Variants in WWP1 observed in about 807,000 individuals in gnomAD.
The protein encoded by WWP1 is WW domain containing E3 ubiquitin protein ligase 1.
WWP1 carries 49 observed loss-of-function variants against 130.6 expected under a neutral mutation model. The observed-to-expected ratio is 0.38, with a 90% confidence interval of 0.30 to 0.48. WWP1 has a LOEUF of 0.48. Ranked by LOEUF, WWP1 falls within the 20% of genes least tolerant of loss-of-function variation. WWP1 has a pLI of 0.99. For missense variants in WWP1, 809 were observed against 1,100.6 expected, an observed-to-expected ratio of 0.74 and a Z score of 3.75; for synonymous variants, 332 against 367.8, an observed-to-expected ratio of 0.90 and a Z score of 1.11.
intron 9 of WWP1, among the ~76,000 whole-genome samples, chr8:86,424,164 A>C (rs1809438135): frequency 6.7e-6 from 1 of 149,670 alleles, no homozygotes; most frequent in African/African-American, 2.5e-5. Flanking sequence ...CACCTCCCAG[A>C]CTGGGTCACG....
intron 5 of WWP1, among the ~76,000 whole-genome samples, chr8:86,383,938 T>C (rs1825134346): frequency 6.6e-6 from 1 of 152,204 alleles, no homozygotes; most frequent in African/African-American, 2.4e-5. Flanking sequence ...TACCACAGAC[T>C]GGGTGCCTTA....
At chr8:86,360,282 C>G (rs10093867) in intron 1 of WWP1, among the ~76,000 whole-genome samples, 22,367 of 152,132 alleles carry the variant, frequency 0.15, 1,796 homozygotes, top group Non-Finnish European at 0.19. Context: ...TCAGGTCCTA[C>G]CTTTCCATGA....
chr8:86,454,035 C>T (rs1448306032), intron 21 of WWP1, among the ~76,000 whole-genome samples: 1 of 152,014 alleles, frequency 6.6e-6, no homozygotes, highest in East Asian at 2.0e-4. Flanking sequence ...TAGGATTTAG[C>T]CTTCTGGCAA....
intron 1 of WWP1, among the ~76,000 whole-genome samples, chr8:86,363,511 A>T (rs966472447): frequency 6.6e-6 from 1 of 151,972 alleles, no homozygotes; most frequent in African/African-American, 2.4e-5. Context: ...GTTAAATTAT[A>T]TGTCTATGGG....
chr8:86,440,830 A>G (rs1050495797), intron 17 of WWP1: 15 of 350,456 alleles, frequency 4.3e-5, no homozygotes, highest in Non-Finnish European at 4.4e-5. Flanking sequence ...ATTTTTCTCA[A>G]GCCTATCCTC....
At chr8:86,407,906 G>A (rs1808368087) in intron 8 of WWP1, among the ~76,000 whole-genome samples, 1 of 152,040 alleles carries the variant, frequency 6.6e-6, no homozygotes, top group Non-Finnish European at 1.5e-5. Context: ...ATTAACTAAA[G>A]TCCATAGTTT....
chr8:86,366,974 C>G (rs1216915993), intron 1 of WWP1, among the ~76,000 whole-genome samples: 1 of 152,038 alleles, frequency 6.6e-6, no homozygotes, highest in Non-Finnish European at 1.5e-5. Flanking sequence ...TTTGGAGTTG[C>G]TCTATTGAGG....
intron 17 of WWP1, among the ~76,000 whole-genome samples, chr8:86,439,887 A>C (rs1810501231): frequency 6.6e-6 from 1 of 152,242 alleles, no homozygotes; most frequent in African/African-American, 2.4e-5. Context: ...AGGTGTACAG[A>C]ATTACAAAAT....
chr8:86,358,423 T>A (rs1021691728), intron 1 of WWP1, among the ~76,000 whole-genome samples: 2 of 152,110 alleles, frequency 1.3e-5, no homozygotes, highest in African/African-American at 4.8e-5. Context: ...CATAATAATA[T>A]GTTGTTTTAT....
intron 24 of WWP1, 119 bp from the exon 25 acceptor site, chr8:86,466,675 A>G: frequency 1.9e-6 from 1 of 533,562 alleles, no homozygotes; most frequent in South Asian, 4.8e-5. Context: ...TTCTGGCAAA[A>G]TTTTAACATA....
chr8:86,429,692 G>C (rs1042031564), intron 11 of WWP1, among the ~76,000 whole-genome samples: 2 of 152,096 alleles, frequency 1.3e-5, no homozygotes, highest in African/African-American at 4.8e-5. Context: ...AGAAAATTGT[G>C]ATAACTGTTC....
chr8:86,456,525 C>T (rs1811454486), intron 21 of WWP1, among the ~76,000 whole-genome samples: 1 of 151,910 alleles, frequency 6.6e-6, no homozygotes, highest in Admixed American at 6.6e-5. Flanking sequence ...CAAAGCACCA[C>T]TTTGAGATAG....
At chr8:86,356,518 G>T (rs1823268649) in intron 1 of WWP1, among the ~76,000 whole-genome samples, 1 of 151,356 alleles carries the variant, frequency 6.6e-6, no homozygotes, top group Non-Finnish European at 1.5e-5. Flanking sequence ...AACAAACTGA[G>T]AAATTATAGC....
chr8:86,396,399 G>A (rs1235566008), intron 5 of WWP1, among the ~76,000 whole-genome samples: 1 of 151,060 alleles, frequency 6.6e-6, no homozygotes, highest in African/African-American at 2.4e-5. Flanking sequence ...GCGCCTGGCT[G>A]CTTTTGTAGT....
chr8:86,413,887 G>T (rs974262547), intron 9 of WWP1, among the ~76,000 whole-genome samples: 1 of 152,134 alleles, frequency 6.6e-6, no homozygotes, highest in Non-Finnish European at 1.5e-5. Flanking sequence ...TTTTGCAGTG[G>T]TATAGACAGC....
At chr8:86,411,012 C>G (rs1441723115) in intron 8 of WWP1, among the ~76,000 whole-genome samples, 1 of 152,158 alleles carries the variant, frequency 6.6e-6, no homozygotes, top group Admixed American at 6.5e-5. Context: ...ATTAGGAAAA[C>G]TGTGTCACTG....
chr8:86,384,999 G>A (rs1825195539), intron 5 of WWP1, among the ~76,000 whole-genome samples: 1 of 149,370 alleles, frequency 6.7e-6, no homozygotes, highest in Admixed American at 6.7e-5. Context: ...ATTCAAGTCT[G>A]GGTGACAGAG....
chr8:86,430,608 A>G lies in WWP1; in HGVS notation c.1333-89A>G. ...CATATTTTTAGAAAATTATTATAAA[A>G]TGTGATTCTGCCACATGCTTGGCTT... is the stretch of plus-strand genomic sequence containing the variant. On this transcript the variant is annotated intron_variant, in intron 11 of 24. Transcript: ENST00000517970. 3.6e-6 allele frequency: 4 copies of G among 1,096,696 alleles called. No homozygotes were observed. The South Asian group carries it at 6.7e-5, about 18-fold the overall frequency. The allele number at this position is 1,096,696 out of a possible 1,614,324, so 67.9% of individuals were successfully genotyped here.
At chr8:86,404,838 A>G (rs1448414401) in intron 8 of WWP1, among the ~76,000 whole-genome samples, 1 of 152,184 alleles carries the variant, frequency 6.6e-6, no homozygotes, top group African/African-American at 2.4e-5. Context: ...CTGGCTGTTG[A>G]TTCTGTGCAC....
Sources: allele counts gnomAD v4.1 joint callset (sites outside exome capture counted in the v4.1 genomes callset), GRCh38; gene constraint gnomAD v4.1.1; transcripts MANE v1.5; gene names NCBI Gene and HGNC (gene_info 2026-07-23, HGNC 2026-07-21).